WIPF3: variants seen among roughly 807,000 people sequenced by gnomAD.
WIPF3 encodes WAS/WASL-interacting protein family member 3.
Under a neutral mutation model 38.9 loss-of-function variants are expected in WIPF3, and 33 were observed. That is an observed-to-expected ratio of 0.85 (90% confidence interval 0.64 to 1.14). The LOEUF is 1.14. Among genes scored for constraint, WIPF3 ranks in the 50% most tolerant of loss-of-function variants. The pLI is 0.00. For missense variants in WIPF3, 711 were observed against 652.5 expected (o/e 1.09, Z -0.98); for synonymous variants, 324 against 269.3 (o/e 1.20, Z -1.99).
intron 2 of WIPF3, among the ~76,000 whole-genome samples, chr7:29,838,342 C>A (rs896925025): frequency 1.3e-5 from 2 of 152,122 alleles, no homozygotes; most frequent in African/African-American, 4.8e-5. Flanking sequence ...GACCTAGTTT[C>A]ACTTCAAGTA....
At position 29,884,369 on chromosome 7, in the gene WIPF3, C is replaced by T. The variant is rs1562785858; in HGVS notation, c.875C>T (p.Pro292Leu). The change falls in exon 5 of 9, where the codon CCG becomes CTG. Residue 292 changes from proline (P) to leucine (L), a missense_variant. Transcript: ENST00000242140. ...PAQDAQEPPA[P>L]PPPLPPYASC... is the part of the protein sequence containing the mutation. ...CAAGATGCGCAGGAGCCTCCCGCCC[C>T]GCCGCCCCCGCTCCCCCCTTATGCT... The T allele has an allele frequency of 6.9e-7, 1 of 1,455,234 alleles. No homozygotes were observed. The highest frequency in any genetic ancestry group is 9.1e-7 in the Non-Finnish European group (1 of 1,096,822). The allele number at this position is 1,455,234 out of a possible 1,614,324, so 90.1% of individuals were successfully genotyped here.
At position 29,851,087 on chromosome 7, in the gene WIPF3, G is replaced by A. The variant is rs189298935; in HGVS notation, c.90+16273G>A. The stretch of plus-strand genomic sequence containing the variant: ...ATGGTGCTCAGCCTCACTGAGTTTC[G>A]CACTGTCCTCTCTGGAAATACAGCA... On this transcript the variant is annotated intron_variant, in intron 2 of 8. Coordinates refer to ENST00000242140, the MANE Select transcript of WIPF3 (RefSeq NM_001080529.3). Among the ~76,000 whole-genome samples, 111 of 152,244 alleles carry A rather than the reference G, an allele frequency of 7.3e-4. 2 individuals are homozygous for A. The highest frequency in any genetic ancestry group is 6.8e-3 in the Admixed American group (104 of 15,306).
intron 1 of WIPF3, among the ~76,000 whole-genome samples, chr7:29,825,123 T>C (rs7803453): frequency 0.32 from 48,233 of 152,044 alleles, 8,696 homozygotes; most frequent in Middle Eastern, 0.46. Flanking sequence ...TCTAGCATCA[T>C]AACATAAATT....
At chr7:29,874,240 T>A (rs1259062472) in intron 2 of WIPF3, among the ~76,000 whole-genome samples, 1 of 152,098 alleles carries the variant, frequency 6.6e-6, no homozygotes, top group African/African-American at 2.4e-5. Flanking sequence ...CTCACTCAAG[T>A]CATTTATTCA....
chr7:29,862,979 G>A (rs1373035670), intron 2 of WIPF3, among the ~76,000 whole-genome samples: 1 of 152,070 alleles, frequency 6.6e-6, no homozygotes, highest in African/African-American at 2.4e-5. Flanking sequence ...TGAGGTTGTG[G>A]TGCCTCTCCC....
chr7:29,863,883 A>C (rs1785342665), intron 2 of WIPF3, among the ~76,000 whole-genome samples: 1 of 152,152 alleles, frequency 6.6e-6, no homozygotes, highest in Admixed American at 6.5e-5. Flanking sequence ...TACAGTATAT[A>C]GTTTTGTGTA....
chr7:29,868,681 A>G (rs1785436379), intron 2 of WIPF3, among the ~76,000 whole-genome samples: 1 of 152,042 alleles, frequency 6.6e-6, no homozygotes, highest in Non-Finnish European at 1.5e-5. Context: ...TGAACATCCT[A>G]GAGTGCACTC....
chr7:29,877,127 G>A (rs1785615810), intron 3 of WIPF3, among the ~76,000 whole-genome samples: 1 of 152,190 alleles, frequency 6.6e-6, no homozygotes, highest in African/African-American at 2.4e-5. Context: ...TGGTGGAAAT[G>A]TATGATGTGT....
At chr7:29,846,305 A>AC (rs1784999669) in intron 2 of WIPF3, among the ~76,000 whole-genome samples, 1 of 152,234 alleles carries the variant, frequency 6.6e-6, no homozygotes, top group African/African-American at 2.4e-5. Flanking sequence ...ACATGCTAGC[A>AC]ATAGATTTCC....
rs758062452 is a variant in WIPF3 at position 29,884,080 on chromosome 7, A to G, written c.586A>G (p.Ile196Val). 9.5e-5 allele frequency: 98 copies of G among 1,033,150 alleles called. 1 individual carries two copies. The East Asian group carries it at 1.3e-3, about 14-fold the overall frequency. The allele number at this position is 1,033,150 out of a possible 1,614,324, so 64.0% of individuals were successfully genotyped here. The change falls in exon 5 of 9, where the codon ATC becomes GTC. Residue 196 changes from isoleucine (I) to valine (V), a missense_variant. Ile to Val is a conservative substitution (Grantham distance 29). Coordinates refer to ENST00000242140, the MANE Select transcript of WIPF3 (RefSeq NM_001080529.3). ...CCCGCCCCTTCCCTCTTCCTCCCCC[A>G]TCAAAACTCCGCTTGTGTCCCCACC... ...LPPPLPSSSP[I>V]KTPLVSPPGP...
intron 7 of WIPF3, among the ~76,000 whole-genome samples, chr7:29,898,289 T>C (rs949851914): frequency 3.9e-5 from 6 of 152,226 alleles, no homozygotes; most frequent in African/African-American, 1.4e-4. Context: ...TTGACTTCTC[T>C]CTTCTACTCC....
chr7:29,914,629 A>G lies in WIPF3; in HGVS notation c.*113A>G. On this transcript the variant is annotated 3_prime_UTR_variant, in exon 9 of 9. Transcript: ENST00000242140. ...GTTGGCATACAGGCTTGGAATTGAG[A>G]ATTTATTTATTGTAAATATGTGATT... 1.5e-6 allele frequency: 1 copy of G among 657,346 alleles called. No homozygotes were observed. The highest frequency in any genetic ancestry group is 5.0e-5 in the South Asian group (1 of 20,164). 40.7% of individuals were successfully genotyped at this position (657,346 alleles called of 1,614,324 possible).
chr7:29,876,060 C>A, intron 3 of WIPF3, 98 bp downstream of exon 3: 1 of 1,501,426 alleles, frequency 6.7e-7, no homozygotes, highest in South Asian at 1.3e-5. Flanking sequence ...AGCTGCTTCC[C>A]AGGATGCATA....
intron 2 of WIPF3, among the ~76,000 whole-genome samples, chr7:29,863,949 T>C (rs184110195): frequency 3.9e-5 from 6 of 152,326 alleles, no homozygotes; most frequent in Non-Finnish European, 7.4e-5. Context: ...ATGAGTTTTC[T>C]ACATAGAAAA....
intron 7 of WIPF3, among the ~76,000 whole-genome samples, chr7:29,899,356 T>A (rs1583626949): frequency 1.3e-5 from 2 of 152,238 alleles, no homozygotes; most frequent in Non-Finnish European, 2.9e-5. Context: ...TATCACTTTT[T>A]ATTCTCTTTA....
chr7:29,817,189 C>T (rs572134836), intron 1 of WIPF3, among the ~76,000 whole-genome samples: 2 of 152,098 alleles, frequency 1.3e-5, no homozygotes, highest in African/African-American at 2.4e-5. Context: ...TATTTTCTAT[C>T]GGGTTATTGA....
chr7:29,866,066 G>A (rs766299836), intron 2 of WIPF3, among the ~76,000 whole-genome samples: 4 of 152,196 alleles, frequency 2.6e-5, no homozygotes, highest in Non-Finnish European at 5.9e-5. Context: ...GGCTGAGGCA[G>A]GAGAATCGCT....
chr7:29,872,653 G>C (rs903975415), intron 2 of WIPF3, among the ~76,000 whole-genome samples: 1 of 151,822 alleles, frequency 6.6e-6, no homozygotes, highest in African/African-American at 2.4e-5. Flanking sequence ...AAAATTAGCC[G>C]GGCGTGGTGG....
intron 4 of WIPF3, among the ~76,000 whole-genome samples, chr7:29,881,819 C>T (rs1208002606): frequency 2.0e-5 from 3 of 152,232 alleles, no homozygotes; most frequent in Non-Finnish European, 4.4e-5. Flanking sequence ...GAATCCTTTC[C>T]TATGGGCACA....
Sources: allele counts gnomAD v4.1 joint callset (sites outside exome capture counted in the v4.1 genomes callset), GRCh38; gene constraint gnomAD v4.1.1; transcripts MANE v1.5; gene names NCBI Gene and HGNC (gene_info 2026-07-23, HGNC 2026-07-21).